Variants in CELF1 observed in about 807,000 individuals in gnomAD.
CELF1 encodes the protein 50 kDa nuclear polyadenylated RNA-binding protein.
In CELF1, 10 loss-of-function variants were observed where a neutral mutation model predicts 61.8. The observed-to-expected ratio is 0.16, with a 90% CI of 0.10 to 0.27. CELF1 has a LOEUF of 0.27. Among genes scored for constraint, CELF1 ranks in the 10% least tolerant of loss-of-function variants. The pLI is 1.00. For synonymous variants in CELF1, 236 were observed against 225.1 expected (o/e 1.05, Z -0.43); for missense variants, 380 against 639.1 (o/e 0.59, Z 4.37).
intron 1 of CELF1, among the ~76,000 whole-genome samples, chr11:47,517,566 A>G (rs2095625493): frequency 6.6e-6 from 1 of 152,188 alleles, no homozygotes; most frequent in Admixed American, 6.5e-5. Context: ...GTATCTCTGG[A>G]TGGATAAAGA....
chr11:47,492,547 T>C (rs1464416741), intron 3 of CELF1, among the ~76,000 whole-genome samples: 1 of 152,088 alleles, frequency 6.6e-6, no homozygotes, highest in African/African-American at 2.4e-5. Context: ...CTGGCCAACA[T>C]GGTAAACTCC....
Position 47,469,306 on chromosome 11 carries a change from T to C in CELF1, c.*2924A>G, listed in dbSNP as rs892665786. On this transcript the variant is annotated 3_prime_UTR_variant, in exon 15 of 15. Coordinates refer to ENST00000687097, the MANE Select transcript of CELF1 (RefSeq NM_001376376.1). ...GGACCAGAATTTCTGCTCAATCTTA[T>C]GGGGATGGCCCTTTGTTCCCAGAAA... The C allele has an allele frequency of 1.3e-5, 2 of 152,226 alleles. No individual in the cohort carries two copies. Among genetic ancestry groups the C allele is most frequent in the African/African-American group, 4.8e-5 (2 of 41,448 alleles). 9.4% of individuals were successfully genotyped at this position (152,226 alleles called of 1,614,324 possible).
chr11:47,494,746 C>A (rs1228971254), intron 3 of CELF1, among the ~76,000 whole-genome samples: 1 of 152,164 alleles, frequency 6.6e-6, no homozygotes, highest in Non-Finnish European at 1.5e-5. Context: ...ATGCTTAAAA[C>A]AAAAACGGGC....
intron 1 of CELF1, chr11:47,523,920 C>T (rs1484541338): frequency 2.0e-5 from 3 of 152,146 alleles, no homozygotes; most frequent in Non-Finnish European, 4.4e-5. Context: ...CAGTAACAAA[C>T]CCAGTATCTT....
At chr11:47,500,196 CTTT>C in intron 2 of CELF1, among the ~76,000 whole-genome samples, 1 of 146,370 alleles carries the variant, frequency 6.8e-6, no homozygotes, top group East Asian at 2.0e-4. Flanking sequence ...ATCAGCCTTG[CTTT>C]TTTTTTTTTC....
chr11:47,477,312 C>A lies in CELF1; in HGVS notation c.958G>T (p.Val320Leu). ...TCATGCTTACCTGAACTAGTGAGCACGCTGAGGGGACTGCTGGATGTAGTG... is the reference window on the plus strand; with the variant it reads ...TCATGCTTACCTGAACTAGTGAGCAAGCTGAGGGGACTGCTGGATGTAGTG... ...ALTTSSSPLS[V>L]LTSSAGSSPS... The change falls in exon 11 of 15, where the codon GTG (valine) becomes TTG (leucine). Residue 320 changes from valine (V) to leucine (L), a missense_variant. Coordinates refer to ENST00000687097, the MANE Select transcript of CELF1 (RefSeq NM_001376376.1). 1.9e-6 allele frequency: 3 copies of A among 1,614,082 alleles called. No individual in the cohort carries two copies. The highest frequency in any genetic ancestry group is 2.5e-6 in the Non-Finnish European group (3 of 1,179,972).
At chr11:47,506,121 T>C (rs1428418388) in intron 1 of CELF1, among the ~76,000 whole-genome samples, 1 of 149,334 alleles carries the variant, frequency 6.7e-6, no homozygotes, top group Non-Finnish European at 1.5e-5. Flanking sequence ...TGATAGCCGA[T>C]GAGTTAAAAA....
chr11:47,542,227 AG>A (rs1241629943), intron 1 of CELF1, among the ~76,000 whole-genome samples: 2 of 152,094 alleles, frequency 1.3e-5, no homozygotes, highest in African/African-American at 4.8e-5. Context: ...AAAATTAGCC[AG>A]GCATGCTGGC....
chr11:47,476,761 A>G (rs2080395134), intron 12 of CELF1, 85 bp downstream of exon 12: 2 of 1,073,324 alleles, frequency 1.9e-6, no homozygotes, highest in African/African-American at 1.5e-5. Flanking sequence ...GGCCACTGCA[A>G]TCATTCCAGT....
At chr11:47,522,434 C>G (rs1007150084) in intron 1 of CELF1, among the ~76,000 whole-genome samples, 7 of 151,212 alleles carry the variant, frequency 4.6e-5, no homozygotes, top group African/African-American at 1.7e-4. Flanking sequence ...GAGGCTGAGT[C>G]AGGAGAACCC....
At chr11:47,512,485 G>T (rs1342522306) in intron 1 of CELF1, among the ~76,000 whole-genome samples, 1 of 139,582 alleles carries the variant, frequency 7.2e-6, no homozygotes, top group Non-Finnish European at 1.5e-5. Context: ...AGAGATGAGG[G>T]ATCACTCTGC....
intron 13 of CELF1, 151 bp downstream of exon 13, chr11:47,475,185 A>G: frequency 1.5e-6 from 1 of 669,874 alleles, no homozygotes; most frequent in Non-Finnish European, 2.6e-6. Flanking sequence ...ATCACACTTC[A>G]CAGGGTTTCT....
At chr11:47,548,809 T>A (rs2097055035) in intron 1 of CELF1, among the ~76,000 whole-genome samples, 1 of 139,464 alleles carries the variant, frequency 7.2e-6, no homozygotes, top group African/African-American at 2.7e-5. Flanking sequence ...GAAGTTGCAG[T>A]GAGCAGAGAT....
chr11:47,528,657 G>C (rs1171179906), intron 1 of CELF1, among the ~76,000 whole-genome samples: 1 of 151,830 alleles, frequency 6.6e-6, no homozygotes, highest in African/African-American at 2.4e-5. Context: ...CGAGGCAGAG[G>C]TATCACTTGA....
At chr11:47,501,696 G>A (rs1019365524) in intron 1 of CELF1, among the ~76,000 whole-genome samples, 7 of 151,956 alleles carry the variant, frequency 4.6e-5, no homozygotes, top group East Asian at 1.9e-4. Flanking sequence ...GGTGGCACAC[G>A]CCTGTAACCC....
intron 1 of CELF1, among the ~76,000 whole-genome samples, chr11:47,506,447 AT>A (rs1056038743): frequency 1.3e-5 from 2 of 151,834 alleles, no homozygotes; most frequent in African/African-American, 4.9e-5. Context: ...GAAAAAAAAA[AT>A]CTCATGTTTT....
At chr11:47,551,400 C>T (rs923975956) in intron 1 of CELF1, among the ~76,000 whole-genome samples, 9 of 152,182 alleles carry the variant, frequency 5.9e-5, no homozygotes, top group African/African-American at 2.2e-4. Context: ...CTGCTTCAAT[C>T]TTGGCTAACT....
chr11:47,558,201 G>C (rs989272162), intron 2 of CELF1, among the ~76,000 whole-genome samples: 1 of 151,852 alleles, frequency 6.6e-6, no homozygotes, highest in African/African-American at 2.4e-5. Flanking sequence ...GCGGTGCTGC[G>C]AGCGTCACAC....
Position 47,467,051 on chromosome 11 carries a change from C to T in CELF1, c.*5179G>A, listed in dbSNP as rs1384788051. 6.6e-6 allele frequency: 1 copy of T among 152,394 alleles called. No individual in the cohort carries two copies. The highest frequency in any genetic ancestry group is 1.5e-5 in the Non-Finnish European group (1 of 68,202). The allele number at this position is 152,394 out of a possible 1,614,324, so 9.4% of individuals were successfully genotyped here. A position where few individuals can be genotyped will look rare whatever the true frequency, so the allele number is the denominator to read the frequency against. ...GAAACCCTGCTGGGATCCCTTCCTT[C>T]ATCAACCTTGGTGTGGAGGATGCTC... is the stretch of plus-strand genomic sequence containing the variant. On this transcript the variant is annotated 3_prime_UTR_variant, in exon 15 of 15. Transcript: ENST00000687097.
Sources: gnomAD v4.1 joint callset for allele counts (sites outside exome capture counted in the v4.1 genomes callset) on GRCh38, gnomAD v4.1.1 for gene constraint, MANE v1.5 for transcripts, NCBI Gene and HGNC (gene_info 2026-07-23, HGNC 2026-07-21) for gene names.